Variants in MAP6 observed in about 807,000 individuals in gnomAD.
The protein encoded by MAP6 is microtubule associated protein 6.
A neutral mutation model predicts 42.4 loss-of-function variants in MAP6; 26 were observed. The ratio of observed to expected loss-of-function variants is 0.61; its 90% CI spans 0.45 to 0.85. MAP6 has a LOEUF of 0.85. Ranked by LOEUF, MAP6 falls within the 40% of genes least tolerant of loss-of-function variation. The probability of loss-of-function intolerance (pLI) is 0.00; values close to 1 mark genes in which losing one functional copy is unlikely to be tolerated. For missense variants in MAP6, 966 were observed against 1,099.0 expected (o/e 0.88, Z 1.71); for synonymous variants, 418 against 443.8 (o/e 0.94, Z 0.73).
intron 1 of MAP6, among the ~76,000 whole-genome samples, chr11:75,613,716 G>A (rs1365313344): frequency 2.6e-5 from 4 of 152,188 alleles, no homozygotes; most frequent in Non-Finnish European, 4.4e-5. Context: ...CCCGGTGGGT[G>A]GGTGAACTGC....
At chr11:75,640,675 A>G (rs1405061754) in intron 1 of MAP6, among the ~76,000 whole-genome samples, 1 of 152,260 alleles carries the variant, frequency 6.6e-6, no homozygotes, top group African/African-American at 2.4e-5. Flanking sequence ...TGGGCGAAGG[A>G]TATGAACAGA....
chr11:75,649,636 T>G (rs1380195186), intron 1 of MAP6, among the ~76,000 whole-genome samples: 3 of 152,094 alleles, frequency 2.0e-5, no homozygotes, highest in Non-Finnish European at 4.4e-5. Flanking sequence ...CCGCCCACGT[T>G]CAAGCGATTC....
At chr11:75,599,464 A>G (rs747563086) in intron 3 of MAP6, among the ~76,000 whole-genome samples, 9 of 152,226 alleles carry the variant, frequency 5.9e-5, no homozygotes, top group Non-Finnish European at 1.3e-4. Context: ...TTAGTAACCT[A>G]CATTGCAGTC....
intron 1 of MAP6, among the ~76,000 whole-genome samples, chr11:75,628,487 C>T (rs1280645061): frequency 4.6e-5 from 7 of 152,182 alleles, no homozygotes; most frequent in Non-Finnish European, 8.8e-5. Context: ...CCTTGCTCCC[C>T]GAATACCAAC....
At chr11:75,666,575 C>A (rs556705682) in intron 1 of MAP6, among the ~76,000 whole-genome samples, 15 of 152,158 alleles carry the variant, frequency 9.9e-5, no homozygotes, top group African/African-American at 3.6e-4. Flanking sequence ...CATAAGGTAT[C>A]ATGTGGAAGG....
chr11:75,613,377 T>C (rs1269307731), intron 1 of MAP6, among the ~76,000 whole-genome samples: 1 of 152,064 alleles, frequency 6.6e-6, no homozygotes, highest in Non-Finnish European at 1.5e-5. Context: ...TCATGGTCAC[T>C]TTGGCTCCTG....
At chr11:75,602,683 G>A (rs1942685396) in intron 3 of MAP6, among the ~76,000 whole-genome samples, 1 of 152,152 alleles carries the variant, frequency 6.6e-6, no homozygotes, top group Non-Finnish European at 1.5e-5. Context: ...CCAAAACTTA[G>A]CTCTGACTGC....
In MAP6 at chr11:75,627,996, C is replaced by T. The variant is rs180900453; in HGVS notation, c.906-19674G>A. Among the ~76,000 whole-genome samples, 15 of 152,190 alleles carry T rather than the reference C, an allele frequency of 9.9e-5. 1 individual carries two copies. The East Asian group carries it at 2.3e-3, about 24-fold the overall frequency. On this transcript the variant is annotated intron_variant, in intron 1 of 3. Coordinates refer to ENST00000304771, the MANE Select transcript of MAP6 (RefSeq NM_033063.2). Reference sequence around the variant, plus strand: ...GCTGTGACGGGGCTACTTCTCCCTTCGACTGAAATCAAGAGAGAGGCTCAA... The same window carrying T: ...GCTGTGACGGGGCTACTTCTCCCTTTGACTGAAATCAAGAGAGAGGCTCAA...
chr11:75,667,886 C>T lies in MAP6; in HGVS notation c.484G>A (p.Ala162Thr). 2 of 1,443,772 alleles carry T rather than the reference C, an allele frequency of 1.4e-6. No homozygotes were observed. The highest frequency in any genetic ancestry group is 1.8e-6 in the Non-Finnish European group (2 of 1,095,382). 89.4% of individuals were successfully genotyped at this position (1,443,772 alleles called of 1,614,324 possible). ...TCCCCGCGGCGCGGCAGCGGCCAGGCGCGGAAGTCCTTCTGGTACTGGGTC... is the reference window on the plus strand; with the variant it reads ...TCCCCGCGGCGCGGCAGCGGCCAGGTGCGGAAGTCCTTCTGGTACTGGGTC... ...RETQYQKDFRAWPLPRRGDHP... is the reference protein window; with the variant it reads ...RETQYQKDFRTWPLPRRGDHP... Residue 162 changes from alanine to threonine, a missense_variant, in exon 1 of 4, where the codon GCC (alanine) becomes ACC (threonine). By Grantham distance (58) the Ala-to-Thr change is moderately conservative. This residue lies in a region of MAP6 where 943 missense variants were observed against 1,049.9 expected (regional missense o/e 0.90). Transcript: ENST00000304771. The surrounding 1 kb of genome is among the most constrained non-coding windows in gnomAD (Gnocchi z 5.6).
At chr11:75,606,590 C>T (rs949673209) in intron 2 of MAP6, among the ~76,000 whole-genome samples, 5 of 152,182 alleles carry the variant, frequency 3.3e-5, no homozygotes, top group East Asian at 1.9e-4. Flanking sequence ...TGTTCTGGGG[C>T]GGTGGGTCGC....
chr11:75,649,773 T>G (rs1276972456), intron 1 of MAP6, among the ~76,000 whole-genome samples: 1 of 152,068 alleles, frequency 6.6e-6, no homozygotes, highest in East Asian at 1.9e-4. Flanking sequence ...ACTCCTGCCC[T>G]CGTGATCCAC....
chr11:75,651,972 T>C (rs1421862527), intron 1 of MAP6, among the ~76,000 whole-genome samples: 1 of 152,206 alleles, frequency 6.6e-6, no homozygotes, highest in Non-Finnish European at 1.5e-5. Context: ...GAAAGGTTTT[T>C]GTAGATGAAT....
chr11:75,636,992 A>G (rs540567324), intron 1 of MAP6, among the ~76,000 whole-genome samples: 1 of 152,214 alleles, frequency 6.6e-6, no homozygotes, highest in Non-Finnish European at 1.5e-5. Flanking sequence ...TGAAGCTTGC[A>G]TTTGAAAATA....
intron 1 of MAP6, among the ~76,000 whole-genome samples, chr11:75,651,743 T>C (rs886606278): frequency 2.0e-5 from 3 of 152,248 alleles, no homozygotes; most frequent in Non-Finnish European, 4.4e-5. Flanking sequence ...AACAAGAGAA[T>C]GACTATGTCA....
chr11:75,628,101 C>T (rs1943227453), intron 1 of MAP6, among the ~76,000 whole-genome samples: 1 of 152,166 alleles, frequency 6.6e-6, no homozygotes, highest in African/African-American at 2.4e-5. Context: ...AGCTGGCTAG[C>T]TGGTCTTGGA....
At chr11:75,633,955 T>C (rs961777690) in intron 1 of MAP6, among the ~76,000 whole-genome samples, 1 of 152,188 alleles carries the variant, frequency 6.6e-6, no homozygotes, top group Non-Finnish European at 1.5e-5. Flanking sequence ...ACGATTTGAC[T>C]CTTGGTTTAT....
chr11:75,616,379 G>C (rs755179939), intron 1 of MAP6, among the ~76,000 whole-genome samples: 1 of 152,160 alleles, frequency 6.6e-6, no homozygotes, highest in African/African-American at 2.4e-5. Context: ...TAAGTCTTAA[G>C]GGTCTAAAGT....
intron 1 of MAP6, chr11:75,638,470 G>C (rs1943410269): frequency 6.6e-6 from 1 of 152,116 alleles, no homozygotes; most frequent in Non-Finnish European, 1.5e-5. Context: ...GAGGCCTCTG[G>C]TTGTTGTACC....
intron 1 of MAP6, among the ~76,000 whole-genome samples, chr11:75,617,684 G>A (rs977000772): frequency 6.6e-6 from 1 of 152,062 alleles, no homozygotes; most frequent in Non-Finnish European, 1.5e-5. Context: ...GTGGGGGAGT[G>A]TGAGAGTTAA....
Sources: allele counts gnomAD v4.1 joint callset (sites outside exome capture counted in the v4.1 genomes callset), GRCh38; gene constraint gnomAD v4.1.1; regional missense constraint gnomAD v4.1.1; non-coding constraint Gnocchi (gnomAD v3.1); transcripts MANE v1.5; gene names NCBI Gene and HGNC (gene_info 2026-07-23, HGNC 2026-07-21).